CACNA1G: variants seen among roughly 807,000 people sequenced by gnomAD.
CACNA1G encodes the protein voltage-dependent T-type calcium channel subunit alpha-1G.
Under a neutral mutation model 219.4 loss-of-function variants are expected in CACNA1G, and 67 were observed. The observed-to-expected ratio is 0.31, with a 90% CI of 0.25 to 0.37. CACNA1G has a LOEUF of 0.37. Among genes scored for constraint, CACNA1G ranks in the 10% least tolerant of loss-of-function variants. The probability of loss-of-function intolerance (pLI) is 1.00; values close to 1 mark genes in which losing one functional copy is unlikely to be tolerated. For missense variants in CACNA1G, 2,380 were observed against 3,231.4 expected (o/e 0.74, Z 6.39); for synonymous variants, 1,296 against 1,345.3 (o/e 0.96, Z 0.80).
intron 19 of CACNA1G, 35 bp downstream of exon 19, chr17:50,601,209 C>T (rs1226224451): frequency 1.2e-6 from 2 of 1,610,440 alleles, no homozygotes; most frequent in Non-Finnish European, 1.7e-6. Context: ...CAAGGCCTCT[C>T]CTGGGGTTTG....
chr17:50,619,510 C>T (rs999028141), intron 33 of CACNA1G, among the ~76,000 whole-genome samples, 173 bp from the exon 34 acceptor site: 1 of 132,834 alleles, frequency 7.5e-6, no homozygotes, highest in African/African-American at 2.9e-5. Context: ...CTCTTTTTCT[C>T]TTTGTTGCTG....
In CACNA1G at chr17:50,571,924, G is replaced by A; in HGVS notation, c.633G>A (p.Leu211=). ...TGCTGCTGGATACGCTGCCCATGCT[G>A]GGCAACGTCCTGCTGCTCTGCTTCT... is the stretch of plus-strand genomic sequence containing the variant. ...VTLLLDTLPM[L]GNVLLLCFFV... is the part of the protein sequence containing the mutation. The change falls in exon 5 of 38, where the codon CTG becomes CTA. Residue 211 remains leucine (L), a synonymous_variant. Transcript: ENST00000359106. This position sits in a 1 kb window ranked among gnomAD's most constrained non-coding sequence, Gnocchi z 4.3. 1 of 1,613,952 alleles carries A rather than the reference G, an allele frequency of 6.2e-7. No homozygotes were observed. Among genetic ancestry groups the A allele is most frequent in the South Asian group, 1.1e-5 (1 of 91,086 alleles).
At chr17:50,590,314 TG>T (rs1458780224) in intron 9 of CACNA1G, among the ~76,000 whole-genome samples, 156 bp from the exon 10 acceptor site, 3 of 152,124 alleles carry the variant, frequency 2.0e-5, no homozygotes, top group Admixed American at 6.5e-5. Flanking sequence ...CTGGAGCCTT[TG>T]GGGCAGGGTC....
At position 50,565,216 on chromosome 17, in the gene CACNA1G, C is replaced by T. The variant is rs1027883501; in HGVS notation, c.242+3515C>T. Among the ~76,000 whole-genome samples, 23 of 152,272 alleles carry T rather than the reference C, an allele frequency of 1.5e-4. 1 individual carries two copies. Among genetic ancestry groups the T allele is most frequent in the Admixed American group, 9.8e-4 (15 of 15,306 alleles). ...CTATTTCCCCTTCCAAAGATTCCAGCGGGCCGTCTCTCTTGTGTCTCTGTG... is the reference window on the plus strand; with the variant it reads ...CTATTTCCCCTTCCAAAGATTCCAGTGGGCCGTCTCTCTTGTGTCTCTGTG... On this transcript the variant is annotated intron_variant, in intron 1 of 37. Coordinates refer to ENST00000359106, the MANE Select transcript of CACNA1G (RefSeq NM_018896.5).
chr17:50,609,768 C>G (rs1050229267), intron 25 of CACNA1G, 114 bp from the exon 26 acceptor site: 4 of 855,774 alleles, frequency 4.7e-6, no homozygotes, highest in Non-Finnish European at 7.4e-6. Flanking sequence ...ATGGGCTCAG[C>G]GCACCCCACC....
intron 25 of CACNA1G, among the ~76,000 whole-genome samples, chr17:50,609,664 GC>G (rs2048764512): frequency 1.3e-5 from 2 of 152,176 alleles, no homozygotes; most frequent in Non-Finnish European, 2.9e-5. Flanking sequence ...GTGCCTCCCT[GC>G]CCCGTGACCC....
intron 9 of CACNA1G, among the ~76,000 whole-genome samples, chr17:50,584,696 G>A (rs946503930): frequency 6.6e-6 from 1 of 152,056 alleles, no homozygotes; most frequent in African/African-American, 2.4e-5. Flanking sequence ...GAGAGGAAGA[G>A]AGACAGTGGG....
In CACNA1G at chr17:50,626,475, C is replaced by T; in HGVS notation, c.6858C>T (p.Asp2286=). The change falls in exon 38 of 38, where the codon GAC becomes GAT. Residue 2286 remains aspartate, a synonymous_variant. Coordinates refer to ENST00000359106, the MANE Select transcript of CACNA1G (RefSeq NM_018896.5). The surrounding 1 kb of genome is among the most constrained non-coding windows in gnomAD (Gnocchi z 4.3). ...GCTCCCAACCCCACCTGGGCACAGACCCCTCTAACCTTGGGGGCCAGCCTC... is the reference window on the plus strand; with the variant it reads ...GCTCCCAACCCCACCTGGGCACAGATCCCTCTAACCTTGGGGGCCAGCCTC... ...DSGSQPHLGT[D]PSNLGGQPLG... is the part of the protein sequence containing the mutation. 1.9e-6 allele frequency: 3 copies of T among 1,596,462 alleles called. No individual in the cohort carries two copies. Among genetic ancestry groups the T allele is most frequent in the Non-Finnish European group, 2.6e-6 (3 of 1,172,298 alleles).
At chr17:50,573,166 G>C (rs146690441) in intron 7 of CACNA1G, 53 bp downstream of exon 7, 1 of 1,334,354 alleles carries the variant, frequency 7.5e-7, no homozygotes, top group Non-Finnish European at 1.1e-6. Flanking sequence ...GGACACCTGT[G>C]GGGGCAGTCC....
chr17:50,578,607 C>T lies in CACNA1G; in HGVS notation c.2301+43C>T, dbSNP rs565511067. ...GGCAGGGCTCCTGCCAGCTGCTTTT[C>T]GCCTGGGGCTGGGGCCTTCTACCTC... On this transcript the variant is annotated intron_variant, in intron 9 of 37. Coordinates refer to ENST00000359106, the MANE Select transcript of CACNA1G (RefSeq NM_018896.5). The surrounding 1 kb of genome is among the most constrained non-coding windows in gnomAD (Gnocchi z 4.5). The T allele has an allele frequency of 3.0e-5, 46 of 1,514,946 alleles. No individual in the cohort carries two copies. The highest frequency in any genetic ancestry group is 7.9e-5 in the South Asian group (6 of 75,766). The allele number at this position is 1,514,946 out of a possible 1,614,324, so 93.8% of individuals were successfully genotyped here.
chr17:50,614,759 TC>T (rs1214172688), intron 26 of CACNA1G, among the ~76,000 whole-genome samples: 1 of 152,092 alleles, frequency 6.6e-6, no homozygotes, highest in Non-Finnish European at 1.5e-5. Context: ...CCCCAAGGCC[TC>T]CCCTCTTGCT....
At position 50,561,465 on chromosome 17, in the gene CACNA1G, CGAG is replaced by C; in HGVS notation, c.15_17del (p.Glu5del). 1 of 1,534,326 alleles carries C rather than the reference CGAG, an allele frequency of 6.5e-7. No individual in the cohort carries two copies. Among genetic ancestry groups the C allele is most frequent in the Non-Finnish European group, 8.7e-7 (1 of 1,146,510 alleles). On this transcript the variant is annotated inframe_deletion, in exon 1 of 38. Transcript: ENST00000359106. ...GGGCCCCGGCTGGCCAGAGGATGGACGAGGAGGAGGATGGAGCGGGCGCCGAGG... is the reference window on the plus strand; with the variant it reads ...GGGCCCCGGCTGGCCAGAGGATGGACGAGGAGGATGGAGCGGGCGCCGAGG...
At chr17:50,625,932 G>A (rs1598873373) in intron 37 of CACNA1G, 85 bp from the exon 38 acceptor site, 3 of 1,443,574 alleles carry the variant, frequency 2.1e-6, no homozygotes, top group East Asian at 4.6e-5. Context: ...GTGGTGGTGG[G>A]CAGGGGGCAC....
rs758179691 is a variant in CACNA1G at position 50,618,699 on chromosome 17, G to A, written c.5472G>A (p.Thr1824=). The stretch of plus-strand genomic sequence containing the variant: ...ACCAGGAGTCCACCTGCTACAACAC[G>A]GTCATCTCGCCTATCTACTTTGTGT... ...DCDQESTCYN[T]VISPIYFVSF... Residue 1824 remains threonine (T), a synonymous_variant, in exon 33 of 38, where the codon ACG becomes ACA. Coordinates refer to ENST00000359106, the MANE Select transcript of CACNA1G (RefSeq NM_018896.5). The surrounding 1 kb of genome is among the most constrained non-coding windows in gnomAD (Gnocchi z 5.3). 14 of 1,613,904 alleles carry A rather than the reference G, an allele frequency of 8.7e-6. No individual in the cohort carries two copies. Among genetic ancestry groups the A allele is most frequent in the Non-Finnish European group, 1.2e-5 (14 of 1,179,846 alleles).
In CACNA1G at chr17:50,618,409, G is replaced by T; in HGVS notation, c.5427+66G>T. On this transcript the variant is annotated intron_variant, in intron 32 of 37. Coordinates refer to ENST00000359106, the MANE Select transcript of CACNA1G (RefSeq NM_018896.5). The surrounding 1 kb of genome is among the most constrained non-coding windows in gnomAD (Gnocchi z 5.3). ...CCACTTCCTGAGCTAGGATTCCTTG[G>T]GAAGATGAATTGGCCACAAATAAAA... 2 of 1,587,810 alleles carry T rather than the reference G, an allele frequency of 1.3e-6. No individual in the cohort carries two copies. Among genetic ancestry groups the T allele is most frequent in the Non-Finnish European group, 1.7e-6 (2 of 1,161,824 alleles).
At position 50,575,666 on chromosome 17, in the gene CACNA1G, A is replaced by G; in HGVS notation, c.1264A>G (p.Thr422Ala). The G allele has an allele frequency of 6.2e-7, 1 of 1,612,906 alleles. No individual in the cohort carries two copies. Among genetic ancestry groups the G allele is most frequent in the Non-Finnish European group, 8.5e-7 (1 of 1,179,558 alleles). ...TGTGCGGTTCCTGTCCAACGCCAGC[A>G]CCCTGGCTAGCTTCTCTGAGCCCGG... is the stretch of plus-strand genomic sequence containing the variant. ...QRVRFLSNAS[T>A]LASFSEPGSC... Residue 422 changes from threonine (T) to alanine (A), a missense_variant, in exon 8 of 38, where the codon ACC becomes GCC. Physicochemically the swap from Thr to Ala is moderately conservative, Grantham distance 58. Around this residue, in one of 17 missense-constraint regions of CACNA1G, gnomAD observed 72 missense variants for 175.8 expected, o/e 0.41. Transcript: ENST00000359106.
At chr17:50,601,955 G>A (rs1166235346) in intron 19 of CACNA1G, among the ~76,000 whole-genome samples, 4 of 152,130 alleles carry the variant, frequency 2.6e-5, no homozygotes, top group Non-Finnish European at 4.4e-5. Context: ...TTCTATTAGG[G>A]TCGGGGTGGA....
intron 1 of CACNA1G, among the ~76,000 whole-genome samples, chr17:50,565,925 C>T (rs1028798025): frequency 7.2e-5 from 11 of 152,114 alleles, no homozygotes; most frequent in African/African-American, 2.2e-4. Flanking sequence ...AAGATCCTCC[C>T]CTCTCCTACC....
chr17:50,603,343 C>G lies in CACNA1G; in HGVS notation c.4169+144C>G. On this transcript the variant is annotated intron_variant, in intron 21 of 37. Transcript: ENST00000359106. This position sits in a 1 kb window ranked among gnomAD's most constrained non-coding sequence, Gnocchi z 6.4. ...GTGACCCCCACAGGCGATCCTGTCC[C>G]CGCCCCAGACAACACTCAGATTACG... is the stretch of plus-strand genomic sequence containing the variant. The G allele has an allele frequency of 1.5e-6, 1 of 685,640 alleles. No homozygotes were observed. Among genetic ancestry groups the G allele is most frequent in the Non-Finnish European group, 2.4e-6 (1 of 409,982 alleles). 42.5% of individuals were successfully genotyped at this position (685,640 alleles called of 1,614,324 possible).
Sources: allele counts gnomAD v4.1 joint callset (sites outside exome capture counted in the v4.1 genomes callset), GRCh38; gene constraint gnomAD v4.1.1; regional missense constraint gnomAD v4.1.1; non-coding constraint Gnocchi (gnomAD v3.1); transcripts MANE v1.5; gene names NCBI Gene and HGNC (gene_info 2026-07-23, HGNC 2026-07-21).